The following TRPC5 variants were observed in gnomAD, a reference collection of about 807,000 sequenced individuals.
TRPC5 encodes the protein transient receptor potential cation channel subfamily C member 5, also known as short transient receptor potential channel 5.
TRPC5 carries 9 observed loss-of-function variants against 56.5 expected under a neutral mutation model. The ratio of observed to expected loss-of-function variants is 0.16; its 90% CI spans 0.10 to 0.28. TRPC5 has a LOEUF of 0.28. Ranked by LOEUF, TRPC5 falls within the 10% of genes least tolerant of loss-of-function variation. The pLI, the probability that TRPC5 is intolerant of heterozygous loss-of-function variation, is 1.00. For synonymous variants in TRPC5, 282 were observed against 278.5 expected (o/e 1.01, Z -0.13); for missense variants, 469 against 748.9 (o/e 0.63, Z 4.36).
chrX:111,911,662 G>A lies in TRPC5; in HGVS notation c.900+629C>T, dbSNP rs369231074. On this transcript the variant is annotated intron_variant, in intron 3 of 10. Coordinates refer to ENST00000262839, the MANE Select transcript of TRPC5 (RefSeq NM_012471.3). ...GCTTGAACTGACCTCCCTCAAAGAC[G>A]TGGAACCTAACATTTTGGAGGTCAT... 9.8e-5 allele frequency among the ~76,000 whole-genome samples: 11 copies of A among 112,337 alleles called. No homozygotes were observed. In the South Asian group the frequency reaches 3.7e-3, roughly 38 times the overall value.
intron 3 of TRPC5, among the ~76,000 whole-genome samples, chrX:111,860,668 A>G (rs1923380190): frequency 8.9e-6 from 1 of 112,727 alleles, no homozygotes; most frequent in Non-Finnish European, 1.9e-5. Context: ...ACAATAACCC[A>G]ACATAACAAC....
intron 3 of TRPC5, among the ~76,000 whole-genome samples, chrX:111,907,457 T>C (rs906461292): frequency 2.0e-4 from 22 of 109,600 alleles, no homozygotes; most frequent in African/African-American, 7.0e-4. Flanking sequence ...AAAACCTGTC[T>C]CTACTAAAAA....
rs978574228 is a variant in TRPC5 at position 111,768,921 on chromosome X, T to C, written c.*7392A>G. ...GTTACTTTGCCTTGGATATTTAAAC[T>C]GATTGCTTAATATGTTTTACAAGGA... On this transcript the variant is annotated 3_prime_UTR_variant, in exon 11 of 11. Transcript: ENST00000262839. Among the ~76,000 whole-genome samples, 2 of 111,171 alleles carry C rather than the reference T, an allele frequency of 1.8e-5. No individual in the cohort carries two copies. The highest frequency in any genetic ancestry group is 6.6e-5 in the African/African-American group (2 of 30,131).
chrX:111,815,070 C>T (rs1433021299), intron 7 of TRPC5, among the ~76,000 whole-genome samples: 1 of 112,015 alleles, frequency 8.9e-6, no homozygotes, highest in Non-Finnish European at 1.9e-5. Flanking sequence ...TATATTTGAG[C>T]TGGGCCTTGA....
intron 1 of TRPC5, among the ~76,000 whole-genome samples, chrX:112,039,181 G>A (rs959759574): frequency 8.9e-6 from 1 of 111,782 alleles, no homozygotes; most frequent in African/African-American, 3.3e-5. Context: ...AAGCCAGGAG[G>A]TAGTTGACAA....
At chrX:111,819,973 G>C (rs1921982184) in intron 7 of TRPC5, among the ~76,000 whole-genome samples, 1 of 111,958 alleles carries the variant, frequency 8.9e-6, no homozygotes, top group Non-Finnish European at 1.9e-5. Context: ...TACTTTCATA[G>C]AGCTCTTGTG....
intron 1 of TRPC5, among the ~76,000 whole-genome samples, chrX:111,961,955 G>A (rs1927393439): frequency 8.9e-6 from 1 of 111,870 alleles, no homozygotes; most frequent in African/African-American, 3.3e-5. Context: ...GGGAGCTGGA[G>A]GCCATTATCC....
rs774773669 is a variant in TRPC5, at chrX:111,770,980, C to A, written c.*5333G>T. On this transcript the variant is annotated 3_prime_UTR_variant, in exon 11 of 11. Transcript: ENST00000262839. ...CCTGGGATGTTAGGTTGCCCCAAAACCTGCTAAAGTCAAAGGGCAAATATG... is the reference window on the plus strand; with the variant it reads ...CCTGGGATGTTAGGTTGCCCCAAAAACTGCTAAAGTCAAAGGGCAAATATG... Among the ~76,000 whole-genome samples the A allele has an allele frequency of 6.6e-4, 74 of 112,014 alleles. No individual in the cohort carries two copies. Among genetic ancestry groups the A allele is most frequent in the African/African-American group, 2.3e-3 (72 of 30,902 alleles).
intron 7 of TRPC5, among the ~76,000 whole-genome samples, chrX:111,829,877 G>A (rs1922357698): frequency 8.8e-6 from 1 of 113,279 alleles, no homozygotes; most frequent in African/African-American, 3.2e-5. Context: ...TCCCCACACA[G>A]TCCCCACTGG....
chrX:111,837,588 G>A (rs1922601513), intron 6 of TRPC5, among the ~76,000 whole-genome samples: 1 of 111,541 alleles, frequency 9.0e-6, no homozygotes, highest in South Asian at 3.8e-4. Flanking sequence ...CCACAAACTA[G>A]GGCAAATATG....
Position 111,999,740 on chromosome X carries a change from C to T in TRPC5, c.-21-47299G>A, listed in dbSNP as rs780369346. ...CGGTACTTTGGGAGGCCGAGGTGGG[C>T]GGATCACCTGAGGTCAGGAGTTCGA... On this transcript the variant is annotated intron_variant, in intron 1 of 10. Coordinates refer to ENST00000262839, the MANE Select transcript of TRPC5 (RefSeq NM_012471.3). 1.1e-4 allele frequency among the ~76,000 whole-genome samples: 12 copies of T among 111,747 alleles called. No homozygotes were observed. In the South Asian group the frequency reaches 2.6e-3, roughly 24 times the overall value.
intron 3 of TRPC5, among the ~76,000 whole-genome samples, chrX:111,905,927 AAAAAG>A (rs1348098969): frequency 9.3e-6 from 1 of 108,088 alleles, no homozygotes; most frequent in African/African-American, 3.4e-5. Flanking sequence ...AAAAAAAAAA[AAAAAG>A]AAAGAAAGAA....
chrX:111,810,089 A>G (rs1401818872), intron 7 of TRPC5, among the ~76,000 whole-genome samples: 3 of 109,830 alleles, frequency 2.7e-5, no homozygotes, highest in African/African-American at 1.0e-4. Context: ...TAATTTTTGT[A>G]TTTTTAGTAG....
In TRPC5 at chrX:111,952,484, G is replaced by A. The variant is rs747882279; in HGVS notation, c.-21-43C>T. The A allele has an allele frequency of 1.2e-3, 1,421 of 1,139,523 alleles. 1 individual carries two copies. Among genetic ancestry groups the A allele is most frequent in the Non-Finnish European group, 1.3e-3 (1,116 of 855,012 alleles). 93.9% of individuals were successfully genotyped at this position (1,139,523 alleles called of 1,213,427 possible). A position where few individuals can be genotyped will look rare whatever the true frequency, so the allele number is the denominator to read the frequency against. On this transcript the variant is annotated intron_variant, in intron 1 of 10. Transcript: ENST00000262839. ...GAAAGACCAAAATATCCTTAGATAC[G>A]TGGAGGTCTCAAGTGGCCAGTTATG...
At chrX:112,053,043 C>A (rs766186010) in intron 1 of TRPC5, among the ~76,000 whole-genome samples, 8 of 111,500 alleles carry the variant, frequency 7.2e-5, no homozygotes, top group Admixed American at 2.9e-4. Context: ...TCCCCTCACC[C>A]ACTGAAGTAT....
rs1602425085 is a variant in TRPC5, at chrX:112,073,560, A to C, written c.-22+8319T>G. 2.7e-5 allele frequency among the ~76,000 whole-genome samples: 3 copies of C among 111,565 alleles called. No homozygotes were observed. In the South Asian group the frequency reaches 1.1e-3, roughly 41 times the overall value. ...GGTGGGATTACAGATGTGAGCCACC[A>C]TGCCCAGCCCAGAGATAAAAATTGT... On this transcript the variant is annotated intron_variant, in intron 1 of 10. Transcript: ENST00000262839.
At chrX:111,804,998 G>A (rs1215978242) in intron 7 of TRPC5, among the ~76,000 whole-genome samples, 1 of 111,751 alleles carries the variant, frequency 8.9e-6, no homozygotes, top group Non-Finnish European at 1.9e-5. Context: ...GTCATAAATA[G>A]CTCTTATTAT....
intron 7 of TRPC5, among the ~76,000 whole-genome samples, chrX:111,832,557 T>G (rs984631123): frequency 1.3e-4 from 15 of 112,258 alleles, no homozygotes; most frequent in African/African-American, 4.2e-4. Flanking sequence ...CCCTTACCAC[T>G]TAAGCAGATC....
intron 7 of TRPC5, among the ~76,000 whole-genome samples, chrX:111,822,819 G>A (rs1378486224): frequency 9.0e-6 from 1 of 111,050 alleles, no homozygotes; most frequent in Non-Finnish European, 1.9e-5. Flanking sequence ...ATTTTTTTTG[G>A]GCACTGGAAC....
Sources: gnomAD v4.1 joint callset for allele counts (sites outside exome capture counted in the v4.1 genomes callset) on GRCh38, gnomAD v4.1.1 for gene constraint, MANE v1.5 for transcripts, NCBI Gene and HGNC (gene_info 2026-07-23, HGNC 2026-07-21) for gene names.